MCEE: variants seen among roughly 807,000 people sequenced by gnomAD.
The protein encoded by MCEE is methylmalonyl-CoA epimerase.
In MCEE, 6 loss-of-function variants were observed where a neutral mutation model predicts 12.9. The ratio of observed to expected loss-of-function variants is 0.47; its 90% CI spans 0.26 to 0.92. MCEE has a LOEUF of 0.92. Among genes scored for constraint, MCEE ranks in the 40% least tolerant of loss-of-function variants. The probability of loss-of-function intolerance (pLI) is 0.16; values close to 1 mark genes in which losing one functional copy is unlikely to be tolerated. For missense variants in MCEE, 214 were observed against 212.1 expected, an observed-to-expected ratio of 1.01 and a Z score of -0.05; for synonymous variants, 78 against 77.9, an observed-to-expected ratio of 1.00 and a Z score of -0.01.
intron 1 of MCEE, among the ~76,000 whole-genome samples, chr2:71,125,209 ATATTTT>A (rs1313201649): frequency 2.1e-5 from 1 of 48,166 alleles, no homozygotes; most frequent in African/African-American, 5.7e-5. Flanking sequence ...ATATATATAT[ATATTTT>A]TTTTTTTTTT....
chr2:71,123,682 T>C (rs1267203240), intron 2 of MCEE, among the ~76,000 whole-genome samples: 1 of 152,220 alleles, frequency 6.6e-6, no homozygotes, highest in Non-Finnish European at 1.5e-5. Flanking sequence ...CTAACATTTC[T>C]TCACATTCCT....
At chr2:71,121,693 GA>G (rs1287014666) in intron 2 of MCEE, among the ~76,000 whole-genome samples, 2 of 150,680 alleles carry the variant, frequency 1.3e-5, no homozygotes, top group Non-Finnish European at 3.0e-5. Flanking sequence ...CAGTGTGGGA[GA>G]GGGGGGAGTG....
In MCEE at chr2:71,123,306, A is replaced by G. The variant is rs555564847; in HGVS notation, c.378+900T>C. 3.9e-5 allele frequency among the ~76,000 whole-genome samples: 6 copies of G among 152,292 alleles called. No homozygotes were observed. In the East Asian group the frequency reaches 5.8e-4, roughly 15 times the overall value. On this transcript the variant is annotated intron_variant, in intron 2 of 2. Coordinates refer to ENST00000244217, the MANE Select transcript of MCEE (RefSeq NM_032601.4). The stretch of plus-strand genomic sequence containing the variant: ...CAGGAGTTTGAGACCAGCCTGACCA[A>G]CATGGTGAAACCTCATCTCTACTAA...
chr2:71,128,758 G>C (rs1344817708), intron 1 of MCEE, among the ~76,000 whole-genome samples: 1 of 152,086 alleles, frequency 6.6e-6, no homozygotes, highest in Non-Finnish European at 1.5e-5. Flanking sequence ...GGAAGACGAG[G>C]TGGGCAGATC....
chr2:71,126,943 T>C (rs1460958559), intron 1 of MCEE, among the ~76,000 whole-genome samples: 1 of 152,252 alleles, frequency 6.6e-6, no homozygotes, highest in Non-Finnish European at 1.5e-5. Flanking sequence ...CACAGCTCTT[T>C]AGTTTTAGAT....
intron 2 of MCEE, among the ~76,000 whole-genome samples, chr2:71,113,672 A>G (rs913351096): frequency 6.6e-6 from 1 of 152,214 alleles, no homozygotes; most frequent in South Asian, 2.1e-4. Context: ...GGGGAAAAAA[A>G]GTAGTATTAG....
intron 2 of MCEE, among the ~76,000 whole-genome samples, chr2:71,123,879 A>G (rs1673154334): frequency 1.3e-5 from 2 of 152,258 alleles, no homozygotes; most frequent in Admixed American, 1.3e-4. Context: ...GCCTTATGAC[A>G]GTGAAAACAG....
chr2:71,121,308 C>G (rs1037040385), intron 2 of MCEE, among the ~76,000 whole-genome samples: 3 of 152,218 alleles, frequency 2.0e-5, no homozygotes, highest in Non-Finnish European at 4.4e-5. Context: ...TTCCCTCTGG[C>G]TGGCAAATGG....
At chr2:71,117,823 TACTA>T (rs2103625457) in intron 2 of MCEE, among the ~76,000 whole-genome samples, 2 of 150,124 alleles carry the variant, frequency 1.3e-5, no homozygotes, top group Admixed American at 1.3e-4. Context: ...CCATGATCCT[TACTA>T]CCTACTCATC....
chr2:71,124,264 G>A lies in MCEE; in HGVS notation c.320C>T (p.Pro107Leu). The change falls in exon 2 of 3, where the codon CCA becomes CTA. Residue 107 changes from proline (P) to leucine (L), a missense_variant. Coordinates refer to ENST00000244217, the MANE Select transcript of MCEE (RefSeq NM_032601.4). ...GTTTTTCTGCAGAAAACCTGCAATT[G>A]GACTGTCACGTCCCAATGGATGAAG... ...ELLHPLGRDS[P>L]IAGFLQKNKA... 6.2e-7 allele frequency: 1 copy of A among 1,614,068 alleles called. No homozygotes were observed. The highest frequency in any genetic ancestry group is 1.1e-5 in the South Asian group (1 of 91,072).
chr2:71,126,024 C>T (rs1170438733), intron 1 of MCEE, among the ~76,000 whole-genome samples: 2 of 151,114 alleles, frequency 1.3e-5, no homozygotes, highest in South Asian at 2.1e-4. Flanking sequence ...AATTTTTGTA[C>T]GTTTTGTAGA....
Position 71,121,998 on chromosome 2 carries a change from A to G in MCEE, c.378+2208T>C, listed in dbSNP as rs1673109596. 3.3e-5 allele frequency among the ~76,000 whole-genome samples: 5 copies of G among 152,146 alleles called. No homozygotes were observed. The South Asian group carries it at 1.0e-3, about 32-fold the overall frequency. On this transcript the variant is annotated intron_variant, in intron 2 of 2. Coordinates refer to ENST00000244217, the MANE Select transcript of MCEE (RefSeq NM_032601.4). ...TATTGATATGACCATGGGCAAATTA[A>G]CTACTCTGTCTCAGTTTCCTTTCCT...
At chr2:71,111,989 G>C (rs1467370995) in intron 2 of MCEE, among the ~76,000 whole-genome samples, 2 of 152,116 alleles carry the variant, frequency 1.3e-5, no homozygotes, top group Non-Finnish European at 1.5e-5. Flanking sequence ...AACTTGGCCG[G>C]AATCAGATTT....
chr2:71,122,497 C>T (rs1046111815), intron 2 of MCEE, among the ~76,000 whole-genome samples: 5 of 152,346 alleles, frequency 3.3e-5, no homozygotes, highest in Admixed American at 2.6e-4. Flanking sequence ...TAATGATTTA[C>T]AGTTCCACGT....
intron 1 of MCEE, among the ~76,000 whole-genome samples, chr2:71,127,775 C>T (rs981084500): frequency 7.2e-5 from 11 of 152,092 alleles, no homozygotes; most frequent in South Asian, 2.1e-4. Context: ...TACAGGAGCG[C>T]GCCACCACGC....
chr2:71,127,051 T>G (rs1381972635), intron 1 of MCEE, among the ~76,000 whole-genome samples: 1 of 152,188 alleles, frequency 6.6e-6, no homozygotes, highest in Non-Finnish European at 1.5e-5. Context: ...TTGCTTTGCA[T>G]GAATATACTA....
rs201529626 is a variant in MCEE at position 71,119,095 on chromosome 2, AG to A, written c.378+5110del. ...GTCTTCAGGAAGGGAAGGAATGGGG[AG>A]GAGTCATAGGTACTCAATACTGTTT... On this transcript the variant is annotated intron_variant, in intron 2 of 2. Transcript: ENST00000244217. 6.0e-3 allele frequency among the ~76,000 whole-genome samples: 899 copies of A among 150,408 alleles called. 75 individuals carry two copies. The highest frequency in any genetic ancestry group is 0.02 in the African/African-American group (796 of 39,776).
intron 2 of MCEE, among the ~76,000 whole-genome samples, chr2:71,119,985 C>T (rs1673066010): frequency 6.7e-6 from 1 of 149,466 alleles, no homozygotes; most frequent in Admixed American, 6.6e-5. Context: ...CTCAGGAGTT[C>T]CAGGTTGCAG....
intron 1 of MCEE, among the ~76,000 whole-genome samples, chr2:71,127,521 A>T (rs1673261495): frequency 1.3e-5 from 2 of 152,276 alleles, no homozygotes; most frequent in Admixed American, 6.5e-5. Flanking sequence ...AAACAGACTT[A>T]AAATTTATAT....
Sources: gnomAD v4.1 joint callset for allele counts (sites outside exome capture counted in the v4.1 genomes callset) on GRCh38, gnomAD v4.1.1 for gene constraint, MANE v1.5 for transcripts, NCBI Gene and HGNC (gene_info 2026-07-23, HGNC 2026-07-21) for gene names.